Variants in MOB3B observed in about 807,000 individuals in gnomAD.
MOB3B encodes MOB kinase activator-like 2B.
A neutral mutation model predicts 18.7 loss-of-function variants in MOB3B; 7 were observed. The observed-to-expected ratio is 0.37, with a 90% CI of 0.21 to 0.70. The LOEUF is 0.70. MOB3B is among the 30% of genes least tolerant of loss of function. The pLI, the probability that MOB3B is intolerant of heterozygous loss-of-function variation, is 0.52. For missense variants in MOB3B, 253 were observed against 281.3 expected (o/e 0.90, Z 0.72); for synonymous variants, 111 against 99.9 (o/e 1.11, Z -0.66).
intron 3 of MOB3B, among the ~76,000 whole-genome samples, chr9:27,334,472 G>A (rs1336900401): frequency 6.6e-6 from 1 of 152,164 alleles, no homozygotes; most frequent in Non-Finnish European, 1.5e-5. Flanking sequence ...GGACGGTGGG[G>A]GTGGATGAAA....
chr9:27,387,984 G>C (rs1821670891), intron 2 of MOB3B, among the ~76,000 whole-genome samples: 1 of 152,064 alleles, frequency 6.6e-6, no homozygotes, highest in Non-Finnish European at 1.5e-5. Flanking sequence ...AGGCATTTTT[G>C]CTTGTCATAA....
At chr9:27,428,010 C>T (rs1822363179) in intron 2 of MOB3B, among the ~76,000 whole-genome samples, 1 of 152,176 alleles carries the variant, frequency 6.6e-6, no homozygotes, top group Non-Finnish European at 1.5e-5. Flanking sequence ...AACCTACTTC[C>T]ATCCCCAGTT....
At chr9:27,495,364 AAATT>A (rs1295647331) in intron 1 of MOB3B, among the ~76,000 whole-genome samples, 4 of 150,854 alleles carry the variant, frequency 2.7e-5, no homozygotes, top group East Asian at 3.9e-4. Context: ...ATAAATAAAT[AAATT>A]AATTAATTAA....
chr9:27,449,332 A>G (rs1004227426), intron 2 of MOB3B, among the ~76,000 whole-genome samples: 2 of 152,228 alleles, frequency 1.3e-5, no homozygotes, highest in African/African-American at 4.8e-5. Context: ...GTTGGCAGTT[A>G]AAAAGAAATG....
At chr9:27,459,012 C>T (rs1442859377) in intron 1 of MOB3B, among the ~76,000 whole-genome samples, 1 of 57,250 alleles carries the variant, frequency 1.7e-5, no homozygotes, top group Non-Finnish European at 3.5e-5. Context: ...ATCAGGTAGG[C>T]CCCCCCCCAT....
chr9:27,511,514 A>G (rs1820144157), intron 1 of MOB3B, among the ~76,000 whole-genome samples: 1 of 152,174 alleles, frequency 6.6e-6, no homozygotes, highest in Admixed American at 6.5e-5. Context: ...AAGAAGCTCC[A>G]TGGGCTCTGC....
At chr9:27,340,164 A>C (rs1820918204) in intron 3 of MOB3B, among the ~76,000 whole-genome samples, 1 of 152,246 alleles carries the variant, frequency 6.6e-6, no homozygotes, top group Non-Finnish European at 1.5e-5. Flanking sequence ...AGCCCACATT[A>C]CTGACACGGA....
intron 1 of MOB3B, among the ~76,000 whole-genome samples, chr9:27,518,543 A>C (rs1482576102): frequency 6.6e-6 from 1 of 152,174 alleles, no homozygotes; most frequent in East Asian, 1.9e-4. Context: ...GTACACGTTT[A>C]TTTACTGAGA....
At position 27,394,501 on chromosome 9, in the gene MOB3B, A is replaced by G. The variant is rs542804417; in HGVS notation, c.419-35265T>C. On this transcript the variant is annotated intron_variant, in intron 2 of 3. Transcript: ENST00000262244. ...GAACTACCAAAAGAAGCAATCCCAA[A>G]TGAGCTATAAAGACTGACAAACCCA... is the stretch of plus-strand genomic sequence containing the variant. Among the ~76,000 whole-genome samples the G allele has an allele frequency of 2.6e-5, 4 of 152,356 alleles. No individual in the cohort carries two copies. In the South Asian group the frequency reaches 8.3e-4, roughly 32 times the overall value.
At chr9:27,376,985 C>T (rs1426380193) in intron 2 of MOB3B, among the ~76,000 whole-genome samples, 2 of 152,196 alleles carry the variant, frequency 1.3e-5, no homozygotes, top group African/African-American at 4.8e-5. Context: ...TCAAGTCTCT[C>T]GTCTCCCATT....
intron 3 of MOB3B, among the ~76,000 whole-genome samples, chr9:27,343,441 C>T (rs1272359065): frequency 6.8e-6 from 1 of 147,180 alleles, no homozygotes; most frequent in African/African-American, 2.6e-5. Context: ...GCCAAATCCC[C>T]CTCTCCGAGA....
At chr9:27,336,013 C>T (rs1820857701) in intron 3 of MOB3B, among the ~76,000 whole-genome samples, 1 of 152,224 alleles carries the variant, frequency 6.6e-6, no homozygotes, top group African/African-American at 2.4e-5. Flanking sequence ...ATTAGGTCTA[C>T]AGACCCAAGT....
chr9:27,363,460 G>A (rs1821303151), intron 2 of MOB3B, among the ~76,000 whole-genome samples: 1 of 151,850 alleles, frequency 6.6e-6, no homozygotes, highest in Admixed American at 6.6e-5. Flanking sequence ...AGTAGAGACG[G>A]GGTTTCACTG....
intron 2 of MOB3B, 78 bp downstream of exon 2, chr9:27,455,055 A>C: frequency 6.7e-7 from 1 of 1,489,472 alleles, no homozygotes. Context: ...GCTACCTAGC[A>C]TTCAAAGGCA....
intron 2 of MOB3B, among the ~76,000 whole-genome samples, chr9:27,378,044 T>G (rs1230402906): frequency 6.6e-6 from 1 of 152,228 alleles, no homozygotes; most frequent in Non-Finnish European, 1.5e-5. Flanking sequence ...ATACACCACA[T>G]CATTTAATTC....
chr9:27,520,132 A>T (rs1369553001), intron 1 of MOB3B, among the ~76,000 whole-genome samples: 1 of 152,230 alleles, frequency 6.6e-6, no homozygotes, highest in East Asian at 1.9e-4. Context: ...ATGGAGAGCA[A>T]TAAATCTTAT....
intron 2 of MOB3B, among the ~76,000 whole-genome samples, chr9:27,360,231 C>T (rs1197477493): frequency 6.6e-6 from 1 of 152,108 alleles, no homozygotes; most frequent in African/African-American, 2.4e-5. Context: ...CGGCCAGATG[C>T]GGTGGCTCAC....
At chr9:27,474,544 T>C (rs1374287467) in intron 1 of MOB3B, among the ~76,000 whole-genome samples, 2 of 152,214 alleles carry the variant, frequency 1.3e-5, no homozygotes, top group African/African-American at 2.4e-5. Context: ...TACCCTAGAA[T>C]AGTCACCATG....
chr9:27,516,426 A>T (rs952867472), intron 1 of MOB3B, among the ~76,000 whole-genome samples: 1 of 152,218 alleles, frequency 6.6e-6, no homozygotes, highest in Non-Finnish European at 1.5e-5. Context: ...TAGCCCAAAG[A>T]GTTTGACCAT....
Sources: gnomAD v4.1 joint callset for allele counts (sites outside exome capture counted in the v4.1 genomes callset) on GRCh38, gnomAD v4.1.1 for gene constraint, MANE v1.5 for transcripts, NCBI Gene and HGNC (gene_info 2026-07-23, HGNC 2026-07-21) for gene names.